Variants in FIRRM observed in about 807,000 individuals in gnomAD.
The protein encoded by FIRRM is FIGNL1 interacting regulator of recombination and mitosis.
chr1:169,798,359 C>A, the FIRRM span, among the ~76,000 whole-genome samples: 58 of 151,834 alleles, frequency 3.8e-4, no homozygotes, highest in Non-Finnish European at 1.2e-4. Context: ...CCTCTGCCTC[C>A]CAGTTTCAAG....
At chr1:169,790,024 C>T in the FIRRM span, among the ~76,000 whole-genome samples, 1 of 152,036 alleles carries the variant, frequency 6.6e-6, no homozygotes, top group Admixed American at 6.5e-5. Flanking sequence ...TTATCATAAC[C>T]CTTAAATGAT....
At chr1:169,831,260 T>G in the FIRRM span, among the ~76,000 whole-genome samples, 3 of 152,204 alleles carry the variant, frequency 2.0e-5, no homozygotes, top group African/African-American at 7.2e-5. Flanking sequence ...GATTTCATCA[T>G]CTTAACATTA....
chr1:169,797,224 A>C, the FIRRM span, among the ~76,000 whole-genome samples: 176 of 152,304 alleles, frequency 1.2e-3, no homozygotes, highest in East Asian at 0.021. Flanking sequence ...TTTTCAGCTT[A>C]ATGGTAGTAT....
At chr1:169,800,915 C>A in the FIRRM span, 1 of 1,592,852 alleles carries the variant, frequency 6.3e-7, no homozygotes, top group Non-Finnish European at 8.6e-7. Flanking sequence ...AATGTTTTTA[C>A]CTCATATGAA....
chr1:169,848,737 G>A, the FIRRM span, among the ~76,000 whole-genome samples: 1 of 152,148 alleles, frequency 6.6e-6, no homozygotes, highest in Non-Finnish European at 1.5e-5. Flanking sequence ...ATTCCAAAAT[G>A]CTGCTTCATT....
chr1:169,795,555 G>A, the FIRRM span: 1 of 1,061,806 alleles, frequency 9.4e-7, no homozygotes, highest in Non-Finnish European at 1.1e-6. Flanking sequence ...GATAATGGGG[G>A]AGGCAAGGAC....
the FIRRM span, among the ~76,000 whole-genome samples, chr1:169,817,022 A>C: frequency 6.6e-6 from 1 of 152,164 alleles, no homozygotes; most frequent in Non-Finnish European, 1.5e-5. Flanking sequence ...ACTTTACTCA[A>C]TTGTTAAACA....
the FIRRM span, chr1:169,847,844 A>C: frequency 7.2e-7 from 1 of 1,382,064 alleles, no homozygotes; most frequent in African/African-American, 1.4e-5. Flanking sequence ...TTAAAACAAA[A>C]TCTCTATAAG....
chr1:169,845,800 C>G, the FIRRM span, among the ~76,000 whole-genome samples: 5 of 152,166 alleles, frequency 3.3e-5, no homozygotes, highest in South Asian at 1.0e-3. Context: ...TAGGCTTGAA[C>G]CCCCCAAAGT....
At chr1:169,831,619 A>C in the FIRRM span, among the ~76,000 whole-genome samples, 4 of 152,232 alleles carry the variant, frequency 2.6e-5, no homozygotes, top group African/African-American at 9.6e-5. Context: ...TTTCCTTTAA[A>C]TAAAAGCTTT....
the FIRRM span, chr1:169,849,695 C>A: frequency 9.9e-7 from 1 of 1,007,476 alleles, no homozygotes; most frequent in Non-Finnish European, 1.5e-6. Context: ...TATTGAACTG[C>A]TTCTGTATTG....
the FIRRM span, among the ~76,000 whole-genome samples, chr1:169,826,307 C>T: frequency 7.3e-5 from 11 of 150,302 alleles, no homozygotes; most frequent in Admixed American, 2.0e-4. Context: ...CCCAACCTCG[C>T]TTGCCTCGGC....
At chr1:169,830,305 C>G in the FIRRM span, 2 of 1,613,816 alleles carry the variant, frequency 1.2e-6, no homozygotes, top group Middle Eastern at 1.7e-4. Context: ...ATGATCACCT[C>G]TTTGTTAGCT....
chr1:169,852,123 A>C, the FIRRM span: 2 of 699,066 alleles, frequency 2.9e-6, no homozygotes, highest in East Asian at 2.8e-5. Context: ...ACACCATATC[A>C]AATATATTCT....
At chr1:169,824,004 G>A in the FIRRM span, among the ~76,000 whole-genome samples, 3 of 152,154 alleles carry the variant, frequency 2.0e-5, no homozygotes, top group Admixed American at 6.5e-5. Context: ...TTGACACAAA[G>A]TGAGTTCATT....
the FIRRM span, chr1:169,850,654 G>T: frequency 4.7e-6 from 1 of 211,542 alleles, no homozygotes; most frequent in Non-Finnish European, 9.7e-6. Flanking sequence ...AAATTAGCCG[G>T]GCATGGTGGT....
the FIRRM span, chr1:169,849,931 A>G: frequency 7.7e-5 from 36 of 467,956 alleles, no homozygotes; most frequent in South Asian, 5.2e-4. Flanking sequence ...GCTATCAGTC[A>G]TAAGGGTTAG....
chr1:169,815,473 G>C, the FIRRM span, among the ~76,000 whole-genome samples: 2 of 152,066 alleles, frequency 1.3e-5, no homozygotes, highest in African/African-American at 4.8e-5. Flanking sequence ...TCTCCCCTTT[G>C]TAGATCATAT....
chr1:169,821,369 A>C, the FIRRM span, among the ~76,000 whole-genome samples: 2 of 152,184 alleles, frequency 1.3e-5, no homozygotes, highest in Non-Finnish European at 2.9e-5. Flanking sequence ...TGTAACAAAG[A>C]ATAAGGTATT....
Sources: allele counts gnomAD v4.1 joint callset (sites outside exome capture counted in the v4.1 genomes callset), GRCh38; gene constraint gnomAD v4.1.1; transcripts MANE v1.5; gene names NCBI Gene and HGNC (gene_info 2026-07-23, HGNC 2026-07-21).